Variants in GPC6 observed in about 807,000 individuals in gnomAD.
The protein encoded by GPC6 is glypican-6.
In GPC6, 14 loss-of-function variants were observed where a neutral mutation model predicts 55.2. The ratio of observed to expected loss-of-function variants is 0.25; its 90% CI spans 0.17 to 0.40. The LOEUF (loss-of-function observed/expected upper bound fraction) is 0.40, where lower values mean the gene tolerates loss of function less well. Among genes scored for constraint, GPC6 ranks in the 10% least tolerant of loss-of-function variants. The pLI, the probability that GPC6 is intolerant of heterozygous loss-of-function variation, is 1.00. For missense variants in GPC6, 641 were observed against 708.5 expected (o/e 0.90, Z 1.08); for synonymous variants, 278 against 259.6 (o/e 1.07, Z -0.68).
At chr13:94,010,905 G>A (rs1882218776) in intron 3 of GPC6, among the ~76,000 whole-genome samples, 1 of 152,074 alleles carries the variant, frequency 6.6e-6, no homozygotes, top group Admixed American at 6.6e-5. Flanking sequence ...TGGGATCATG[G>A]ATGATATATC....
At position 94,330,810 on chromosome 13, in the gene GPC6, C is replaced by G. The variant is rs535385738; in HGVS notation, c.1152+24687C>G. Among the ~76,000 whole-genome samples the G allele has an allele frequency of 3.9e-5, 6 of 152,170 alleles. No homozygotes were observed. In the South Asian group the frequency reaches 1.2e-3, roughly 32 times the overall value. On this transcript the variant is annotated intron_variant, in intron 6 of 8. Transcript: ENST00000377047. Reference sequence around the variant, plus strand: ...AGAAACTGCATATTCACCTATATATCTCTTGAGACCTTAGCCTATTTCAAA... The same window carrying G: ...AGAAACTGCATATTCACCTATATATGTCTTGAGACCTTAGCCTATTTCAAA...
chr13:93,315,393 T>G (rs1879212473), intron 1 of GPC6, among the ~76,000 whole-genome samples: 2 of 151,944 alleles, frequency 1.3e-5, no homozygotes, highest in Admixed American at 1.3e-4. Flanking sequence ...GAAAATAAGT[T>G]TAGAAAATAC....
At chr13:93,515,187 C>T (rs750473582) in intron 1 of GPC6, among the ~76,000 whole-genome samples, 3 of 152,104 alleles carry the variant, frequency 2.0e-5, no homozygotes, top group Non-Finnish European at 4.4e-5. Context: ...AGATGGTCAT[C>T]TTTAAATCAG....
At chr13:93,251,653 A>G (rs959694723) in intron 1 of GPC6, among the ~76,000 whole-genome samples, 11 of 152,160 alleles carry the variant, frequency 7.2e-5, no homozygotes, top group African/African-American at 2.7e-4. Context: ...CTATACAGAG[A>G]GAAGTCTCAA....
intron 3 of GPC6, among the ~76,000 whole-genome samples, chr13:93,887,928 G>A (rs943331013): frequency 2.6e-5 from 4 of 152,068 alleles, no homozygotes; most frequent in Admixed American, 6.6e-5. Context: ...TCTGACTACG[G>A]GTTGTGGCTT....
At chr13:94,108,268 C>G (rs546350321) in intron 4 of GPC6, among the ~76,000 whole-genome samples, 1 of 152,150 alleles carries the variant, frequency 6.6e-6, no homozygotes, top group South Asian at 2.1e-4. Flanking sequence ...GACTATTATC[C>G]TAAGTGAAGA....
chr13:93,967,086 T>C (rs1387120469), intron 3 of GPC6, among the ~76,000 whole-genome samples: 1 of 152,284 alleles, frequency 6.6e-6, no homozygotes, highest in Admixed American at 6.5e-5. Flanking sequence ...GGTCTCCAAA[T>C]ACAGAAAAGG....
Position 93,227,253 on chromosome 13 carries a change from C to A in GPC6, c.-204C>A. On this transcript the variant is annotated 5_prime_UTR_variant, in exon 1 of 9. Coordinates refer to ENST00000377047, the MANE Select transcript of GPC6 (RefSeq NM_005708.5). The surrounding 1 kb of genome is among the most constrained non-coding windows in gnomAD (Gnocchi z 4.3). ...AGCCTTCCCAGCCAGCCCTTGTTGG[C>A]TTGCCATCGTCCATCTGGCTTATAA... 1 of 509,720 alleles carries A rather than the reference C, an allele frequency of 2.0e-6. No individual in the cohort carries two copies. Among genetic ancestry groups the A allele is most frequent in the South Asian group, 3.1e-5 (1 of 32,518 alleles). The allele number at this position is 509,720 out of a possible 1,614,324, so 31.6% of individuals were successfully genotyped here.
intron 2 of GPC6, among the ~76,000 whole-genome samples, chr13:93,712,003 G>A (rs971306173): frequency 6.6e-6 from 1 of 151,624 alleles, no homozygotes; most frequent in East Asian, 2.0e-4. Flanking sequence ...CCTCCCTACT[G>A]ATGCATGCTA....
intron 4 of GPC6, among the ~76,000 whole-genome samples, chr13:94,162,803 T>C (rs1888214932): frequency 6.6e-6 from 1 of 152,182 alleles, no homozygotes; most frequent in Admixed American, 6.5e-5. Flanking sequence ...GATTCTTCAT[T>C]TGTTCAGGAA....
At chr13:93,508,316 A>G (rs1880813623) in intron 1 of GPC6, among the ~76,000 whole-genome samples, 1 of 152,194 alleles carries the variant, frequency 6.6e-6, no homozygotes, top group African/African-American at 2.4e-5. Flanking sequence ...AGGGAAATGG[A>G]AAGCAAGTCA....
intron 4 of GPC6, among the ~76,000 whole-genome samples, chr13:94,279,653 A>T (rs184039485): frequency 6.6e-6 from 1 of 151,858 alleles, no homozygotes; most frequent in Non-Finnish European, 1.5e-5. Context: ...TGTTTATTCT[A>T]TTGGTTTCAA....
At chr13:94,251,919 G>A (rs1465320177) in intron 4 of GPC6, among the ~76,000 whole-genome samples, 6 of 151,994 alleles carry the variant, frequency 3.9e-5, no homozygotes, top group Non-Finnish European at 7.4e-5. Flanking sequence ...CTGTAGCTAG[G>A]TCTACATCAC....
chr13:93,971,603 T>G (rs946398637), intron 3 of GPC6, among the ~76,000 whole-genome samples: 2 of 152,228 alleles, frequency 1.3e-5, no homozygotes, highest in African/African-American at 4.8e-5. Flanking sequence ...AATACATCTG[T>G]TGACTATAGA....
rs892980590 is a variant in GPC6 at position 94,157,663 on chromosome 13, G to A, written c.878-128686G>A. 1.6e-4 allele frequency among the ~76,000 whole-genome samples: 24 copies of A among 152,280 alleles called. No individual in the cohort carries two copies. The East Asian group carries it at 4.4e-3, about 28-fold the overall frequency. On this transcript the variant is annotated intron_variant, in intron 4 of 8. Transcript: ENST00000377047. ...CTTGCTAAGTATTCCCAACAATAGA[G>A]GGCATTGAAGGACTTGGAGGAGGAG... is the stretch of plus-strand genomic sequence containing the variant.
At chr13:94,275,572 G>C (rs1892176238) in intron 4 of GPC6, among the ~76,000 whole-genome samples, 1 of 152,092 alleles carries the variant, frequency 6.6e-6, no homozygotes, top group African/African-American at 2.4e-5. Context: ...GTAAACAAAT[G>C]ATTGGTAAAT....
chr13:94,156,791 A>G lies in GPC6; in HGVS notation c.877+128897A>G, dbSNP rs573274465. On this transcript the variant is annotated intron_variant, in intron 4 of 8. Coordinates refer to ENST00000377047, the MANE Select transcript of GPC6 (RefSeq NM_005708.5). ...GCTTTGGAACAGACATAAAATATAC[A>G]TAGTTCTCATTTAAGCTACTGCATA... 1.1e-3 allele frequency among the ~76,000 whole-genome samples: 174 copies of G among 152,292 alleles called. 1 individual carries two copies. In the South Asian group the frequency reaches 0.012, roughly 10 times the overall value.
chr13:94,134,135 A>T (rs1887101798), intron 4 of GPC6, among the ~76,000 whole-genome samples: 2 of 152,212 alleles, frequency 1.3e-5, no homozygotes, highest in South Asian at 4.1e-4. Context: ...ATTATCATAA[A>T]GGCAGTGACA....
chr13:93,701,467 T>C (rs893093129), intron 2 of GPC6, among the ~76,000 whole-genome samples: 1 of 152,082 alleles, frequency 6.6e-6, no homozygotes, highest in African/African-American at 2.4e-5. Context: ...GAGGGTATTG[T>C]CTCAGTGTTG....
Sources: gnomAD v4.1 joint callset for allele counts (sites outside exome capture counted in the v4.1 genomes callset) on GRCh38, gnomAD v4.1.1 for gene constraint, Gnocchi (gnomAD v3.1) non-coding constraint, MANE v1.5 for transcripts, NCBI Gene and HGNC (gene_info 2026-07-23, HGNC 2026-07-21) for gene names.